Variants in PIWIL1 observed in about 807,000 individuals in gnomAD.
The protein encoded by PIWIL1 is piwi-like protein 1.
Under a neutral mutation model 114.4 loss-of-function variants are expected in PIWIL1, and 73 were observed. The observed-to-expected ratio is 0.64, with a 90% CI of 0.53 to 0.78. The LOEUF (loss-of-function observed/expected upper bound fraction) is 0.78, where lower values mean the gene tolerates loss of function less well. Ranked by LOEUF, PIWIL1 falls within the 30% of genes least tolerant of loss-of-function variation. PIWIL1 has a pLI of 0.00. For missense variants in PIWIL1, 723 were observed against 1,063.1 expected, an observed-to-expected ratio of 0.68 and a Z score of 4.45; for synonymous variants, 375 against 369.0, an observed-to-expected ratio of 1.02 and a Z score of -0.19.
At chr12:130,385,917 C>G in the PIWIL1 span, among the ~76,000 whole-genome samples, 5 of 152,160 alleles carry the variant, frequency 3.3e-5, no homozygotes, top group Non-Finnish European at 5.9e-5. Flanking sequence ...ATTTAAGTTG[C>G]AAATCTGGCC....
the PIWIL1 span, chr12:130,422,492 C>G: frequency 6.2e-7 from 1 of 1,613,278 alleles, no homozygotes; most frequent in Non-Finnish European, 8.5e-7. This position sits in a 1 kb window ranked among gnomAD's most constrained non-coding sequence, Gnocchi z 5.2. Context: ...CTCTGAGGAC[C>G]AGCGCTGCCA....
the PIWIL1 span, among the ~76,000 whole-genome samples, chr12:130,423,806 T>TG: frequency 1.3e-5 from 2 of 151,738 alleles, no homozygotes; most frequent in Non-Finnish European, 2.9e-5. Context: ...TAAGGATCCC[T>TG]GTGAACACAA....
chr12:130,392,824 G>C, the PIWIL1 span, among the ~76,000 whole-genome samples: 2 of 136,396 alleles, frequency 1.5e-5, no homozygotes, highest in African/African-American at 5.7e-5. Context: ...GGTGAGTATT[G>C]AATGTTGTGA....
At chr12:130,389,426 A>G in the PIWIL1 span, among the ~76,000 whole-genome samples, 1 of 152,038 alleles carries the variant, frequency 6.6e-6, no homozygotes, top group African/African-American at 2.4e-5. Context: ...AGTTTTTCTT[A>G]TGGAAAAAAA....
the PIWIL1 span, among the ~76,000 whole-genome samples, chr12:130,418,472 CG>C: frequency 6.6e-6 from 1 of 152,192 alleles, no homozygotes; most frequent in Non-Finnish European, 1.5e-5. Context: ...ATGAGAAGGA[CG>C]CCTGCTTTCC....
At chr12:130,374,284 G>A (rs1363490594), downstream of PIWIL1, among the ~76,000 whole-genome samples, 1 of 152,160 alleles carries the variant, frequency 6.6e-6, no homozygotes, top group African/African-American at 2.4e-5. Flanking sequence ...ATTTTCAACA[G>A]CAGTTTCATT....
chr12:130,422,279 T>C, the PIWIL1 span, among the ~76,000 whole-genome samples: 1 of 152,236 alleles, frequency 6.6e-6, no homozygotes, highest in South Asian at 2.1e-4. The surrounding 1 kb of genome is among the most constrained non-coding windows in gnomAD (Gnocchi z 5.2). Context: ...TCAAGAATAC[T>C]TACAAATAGC....
intron 18 of PIWIL1, among the ~76,000 whole-genome samples, chr12:130,366,280 T>C (rs2073655308): frequency 6.6e-6 from 1 of 152,018 alleles, no homozygotes; most frequent in Admixed American, 6.5e-5. Flanking sequence ...TTCAGAAGGA[T>C]TTGAAGTGAG....
chr12:130,414,465 A>C, the PIWIL1 span: 1 of 639,572 alleles, frequency 1.6e-6, no homozygotes, highest in Middle Eastern at 4.1e-4. Flanking sequence ...CGGGAGGTCT[A>C]GGTCAGATGA....
At chr12:130,414,290 G>T in the PIWIL1 span, 2 of 1,596,770 alleles carry the variant, frequency 1.3e-6, no homozygotes, top group Non-Finnish European at 1.7e-6. Flanking sequence ...GAGAAAGGCG[G>T]TCTCGCCCGT....
At chr12:130,342,865 A>T (rs939254313) in intron 2 of PIWIL1, 125 bp from the exon 3 acceptor site, 1 of 756,524 alleles carries the variant, frequency 1.3e-6, no homozygotes, top group African/African-American at 1.8e-5. Context: ...TATTTTTAAG[A>T]ATAAAATATT....
At chr12:130,412,052 G>A in the PIWIL1 span, among the ~76,000 whole-genome samples, 1 of 151,858 alleles carries the variant, frequency 6.6e-6, no homozygotes, top group African/African-American at 2.4e-5. Context: ...GTTATTGCAC[G>A]TGGAAAAAAA....
At chr12:130,340,329 T>C (rs1162598399) in intron 1 of PIWIL1, among the ~76,000 whole-genome samples, 1 of 151,946 alleles carries the variant, frequency 6.6e-6, no homozygotes, top group Non-Finnish European at 1.5e-5. Flanking sequence ...TCCCCAGTCT[T>C]TTTGGCACCA....
rs757290440 is a variant in PIWIL1 at position 130,345,868 on chromosome 12, A to C, written c.306A>C (p.Glu102Asp). ...NTRQNLDHVKESKTGSSGIIV... is the reference protein window; with the variant it reads ...NTRQNLDHVKDSKTGSSGIIV... ...GGCAGAACCTAGACCATGTTAAAGAATCAAAAACAGGTAGGTTAATTAAGA... is the reference window on the plus strand; with the variant it reads ...GGCAGAACCTAGACCATGTTAAAGACTCAAAAACAGGTAGGTTAATTAAGA... The change falls in exon 4 of 21, where the codon GAA becomes GAC. Residue 102 changes from glutamate (E) to aspartate (D), a missense_variant. This residue lies in a region of PIWIL1 where 190 missense variants were observed against 294.4 expected (regional missense o/e 0.65). Transcript: ENST00000245255. 3 of 1,613,558 alleles carry C rather than the reference A, an allele frequency of 1.9e-6. No individual in the cohort carries two copies. Among genetic ancestry groups the C allele is most frequent in the Non-Finnish European group, 2.5e-6 (3 of 1,179,778 alleles).
chr12:130,385,768 T>A, the PIWIL1 span, among the ~76,000 whole-genome samples: 12,039 of 152,266 alleles, frequency 0.079, 687 homozygotes, highest in South Asian at 0.2. Context: ...CTCGGGGCTT[T>A]CTGGATACAG....
the PIWIL1 span, among the ~76,000 whole-genome samples, chr12:130,409,332 CTTTTTTTTTTTT>C: frequency 7.5e-4 from 49 of 65,402 alleles, no homozygotes; most frequent in African/African-American, 2.2e-3. Context: ...CAAAATGTAG[CTTTTTTTTTTTT>C]TTTTTTTTTT....
chr12:130,375,856 C>T (rs2073862850), downstream of PIWIL1, among the ~76,000 whole-genome samples: 1 of 152,160 alleles, frequency 6.6e-6, no homozygotes, highest in Admixed American at 6.5e-5. Flanking sequence ...CCAGCCAGAC[C>T]TGCTGCACGC....
the PIWIL1 span, chr12:130,398,321 G>A: frequency 6.6e-6 from 1 of 152,316 alleles, no homozygotes; most frequent in Non-Finnish European, 1.5e-5. Flanking sequence ...CCTCTCCAGA[G>A]CAACTCTTGC....
downstream of PIWIL1, among the ~76,000 whole-genome samples, chr12:130,375,881 C>T (rs2073863017): frequency 6.6e-6 from 1 of 152,156 alleles, no homozygotes; most frequent in Non-Finnish European, 1.5e-5. Flanking sequence ...CATGGTGTCC[C>T]CTTTCTCCTG....
Sources: allele counts gnomAD v4.1 joint callset (sites outside exome capture counted in the v4.1 genomes callset), GRCh38; gene constraint gnomAD v4.1.1; regional missense constraint gnomAD v4.1.1; non-coding constraint Gnocchi (gnomAD v3.1); transcripts MANE v1.5; gene names NCBI Gene and HGNC (gene_info 2026-07-23, HGNC 2026-07-21).